The following CLEC6A variants were observed in gnomAD, a reference collection of about 807,000 sequenced individuals.
CLEC6A encodes the protein C-type lectin domain family 6 member A.
CLEC6A carries 22 observed loss-of-function variants against 25.7 expected under a neutral mutation model. The observed-to-expected ratio is 0.85, with a 90% confidence interval of 0.61 to 1.22. The LOEUF is 1.22. CLEC6A is among the 50% of genes most tolerant of loss of function. The pLI is 0.00. For missense variants in CLEC6A, 240 were observed against 236.8 expected (o/e 1.01, Z -0.09); for synonymous variants, 92 against 76.7 (o/e 1.20, Z -1.04).
At chr12:8,470,727 T>C (rs1939894268) in intron 4 of CLEC6A, among the ~76,000 whole-genome samples, 2 of 152,226 alleles carry the variant, frequency 1.3e-5, no homozygotes, top group East Asian at 3.9e-4. Context: ...AATAATATAA[T>C]GGACTTTGGG....
chr12:8,462,530 C>A (rs1410644082), intron 3 of CLEC6A, among the ~76,000 whole-genome samples: 1 of 139,388 alleles, frequency 7.2e-6, no homozygotes, highest in African/African-American at 2.6e-5. Context: ...GGAGGTGGGA[C>A]ATGCGGGCAA....
intron 3 of CLEC6A, among the ~76,000 whole-genome samples, chr12:8,465,047 CTAAT>C (rs1939812028): frequency 6.6e-6 from 1 of 152,134 alleles, no homozygotes; most frequent in Non-Finnish European, 1.5e-5. Flanking sequence ...AAATGGAATT[CTAAT>C]GAGGCACAAT....
At chr12:8,460,672 A>G (rs943639019) in intron 3 of CLEC6A, 17 of 1,496,858 alleles carry the variant, frequency 1.1e-5, no homozygotes, top group African/African-American at 4.1e-5. Flanking sequence ...GTCTGATGTC[A>G]TGAGCTTTCT....
chr12:8,464,861 T>G (rs1439763432), intron 3 of CLEC6A, among the ~76,000 whole-genome samples: 1 of 152,198 alleles, frequency 6.6e-6, no homozygotes, highest in Non-Finnish European at 1.5e-5. Context: ...GTGTGAAAAT[T>G]AGTAATAGGT....
intron 4 of CLEC6A, among the ~76,000 whole-genome samples, chr12:8,474,961 G>A (rs1939952652): frequency 6.6e-6 from 1 of 151,988 alleles, no homozygotes; most frequent in South Asian, 2.1e-4. Context: ...GTATACATGT[G>A]CCATGTTGGT....
At chr12:8,471,169 A>G (rs114182163) in intron 4 of CLEC6A, among the ~76,000 whole-genome samples, 2,806 of 152,118 alleles carry the variant, frequency 0.018, 86 homozygotes, top group African/African-American at 0.065. Context: ...TAACCCTTTT[A>G]GTATATTATT....
chr12:8,474,559 C>T (rs1427981975), intron 4 of CLEC6A, among the ~76,000 whole-genome samples: 1 of 152,014 alleles, frequency 6.6e-6, no homozygotes, highest in Non-Finnish European at 1.5e-5. Context: ...AAATTAATAC[C>T]AGGAAAACTT....
Position 8,477,834 on chromosome 12 carries a change from C to T in CLEC6A, c.*370C>T, listed in dbSNP as rs1250719322. ...ATTATGACTTTCCTTCCTCAATATA[C>T]CATAAAGAAATCTTTTTGGTCAAGA... On this transcript the variant is annotated 3_prime_UTR_variant, in exon 6 of 6. Transcript: ENST00000382073. The T allele has an allele frequency of 6.5e-6, 1 of 154,112 alleles. No homozygotes were observed. The highest frequency in any genetic ancestry group is 1.4e-5 in the Non-Finnish European group (1 of 69,470). 9.5% of individuals were successfully genotyped at this position (154,112 alleles called of 1,614,324 possible). A position where few individuals can be genotyped will look rare whatever the true frequency, so the allele number is the denominator to read the frequency against.
Position 8,465,521 on chromosome 12 carries a change from T to C in CLEC6A, c.261T>C (p.Gly87=). Residue 87 remains glycine, a synonymous_variant, in exon 4 of 6, where the codon GGT becomes GGC. Coordinates refer to ENST00000382073, the MANE Select transcript of CLEC6A (RefSeq NM_001007033.2). ...GCCCAGCTTCTTGGAAGTCATTTGG[T>C]TCCAGTTGCTACTTCATTTCCAGTG... is the stretch of plus-strand genomic sequence containing the variant. ...GCCPASWKSF[G]SSCYFISSEE... 1 of 1,614,150 alleles carries C rather than the reference T, an allele frequency of 6.2e-7. No homozygotes were observed. The highest frequency in any genetic ancestry group is 8.5e-7 in the Non-Finnish European group (1 of 1,179,994).
At chr12:8,470,904 A>G (rs1939897419) in intron 4 of CLEC6A, among the ~76,000 whole-genome samples, 1 of 152,110 alleles carries the variant, frequency 6.6e-6, no homozygotes, top group African/African-American at 2.4e-5. Flanking sequence ...GAAATAAAAA[A>G]AATTGAGTAT....
intron 3 of CLEC6A, 53 bp downstream of exon 3, chr12:8,459,751 G>T: frequency 1.8e-6 from 2 of 1,126,246 alleles, no homozygotes; most frequent in Non-Finnish European, 2.7e-6. Context: ...GGAGAGATCA[G>T]GGTTGAGCTC....
chr12:8,460,673 T>C (rs1939740816), intron 3 of CLEC6A: 1 of 1,491,954 alleles, frequency 6.7e-7, no homozygotes, highest in Non-Finnish European at 9.3e-7. Context: ...TCTGATGTCA[T>C]GAGCTTTCTT....
intron 4 of CLEC6A, among the ~76,000 whole-genome samples, chr12:8,469,642 G>T (rs760300827): frequency 6.6e-6 from 1 of 152,134 alleles, no homozygotes; most frequent in Non-Finnish European, 1.5e-5. Context: ...AATATTTACA[G>T]TCAACATCTT....
rs1157398692 is a variant in CLEC6A at position 8,456,130 on chromosome 12, C to A, written c.19C>A (p.Pro7Thr). The change falls in exon 1 of 6, where the codon CCT becomes ACT. Residue 7 changes from proline (P) to threonine (T), a missense_variant. By Grantham distance (38) the Pro-to-Thr change is conservative. Transcript: ENST00000382073. MMQEQQ[P>T]QSTEKRGWLS... The stretch of plus-strand genomic sequence containing the variant: ...CTGCATAATGATGCAAGAGCAGCAA[C>A]CTCAAAGTACAGGTGAGTATTTCCT... 1.2e-6 allele frequency: 2 copies of A among 1,613,770 alleles called. No homozygotes were observed. Among genetic ancestry groups the A allele is most frequent in the Non-Finnish European group, 1.7e-6 (2 of 1,179,838 alleles).
At chr12:8,463,576 A>C (rs1370188187) in intron 3 of CLEC6A, among the ~76,000 whole-genome samples, 1 of 152,242 alleles carries the variant, frequency 6.6e-6, no homozygotes, top group Non-Finnish European at 1.5e-5. Flanking sequence ...ATCTGTTGTC[A>C]AAAATTATTT....
chr12:8,470,545 T>A (rs1302713675), intron 4 of CLEC6A, among the ~76,000 whole-genome samples: 1 of 152,084 alleles, frequency 6.6e-6, no homozygotes, highest in East Asian at 1.9e-4. Flanking sequence ...TGCCTGTCAT[T>A]TGTCTATAAT....
chr12:8,476,286 AT>A, intron 5 of CLEC6A, 46 bp downstream of exon 5: 1 of 1,103,316 alleles, frequency 9.1e-7, no homozygotes, highest in Non-Finnish European at 1.3e-6. Context: ...ATCTAGGGAA[AT>A]TTTGTTAGGA....
chr12:8,471,094 C>A (rs916371359), intron 4 of CLEC6A, among the ~76,000 whole-genome samples: 2 of 151,950 alleles, frequency 1.3e-5, no homozygotes, highest in African/African-American at 2.4e-5. Context: ...TGGTTTATTA[C>A]ATTGATTTTC....
intron 3 of CLEC6A, among the ~76,000 whole-genome samples, chr12:8,461,512 C>T (rs1939753089): frequency 6.6e-6 from 1 of 152,082 alleles, no homozygotes; most frequent in Non-Finnish European, 1.5e-5. Flanking sequence ...TTCATTTGCC[C>T]CCTAAGTATA....
Sources: gnomAD v4.1 joint callset for allele counts (sites outside exome capture counted in the v4.1 genomes callset) on GRCh38, gnomAD v4.1.1 for gene constraint, MANE v1.5 for transcripts, NCBI Gene and HGNC (gene_info 2026-07-23, HGNC 2026-07-21) for gene names.